The following MTMR7 variants were observed in gnomAD, a reference collection of about 807,000 sequenced individuals.
The protein encoded by MTMR7 is myotubularin related protein 7, also known as phosphatidylinositol-3-phosphate phosphatase MTMR7.
Under a neutral mutation model 81.2 loss-of-function variants are expected in MTMR7, and 76 were observed. That is an observed-to-expected ratio of 0.94 (90% CI 0.78 to 1.13). The LOEUF (loss-of-function observed/expected upper bound fraction) is 1.13, where lower values mean the gene tolerates loss of function less well. MTMR7 is among the 50% of genes most tolerant of loss of function. The pLI is 0.00. For missense variants in MTMR7, 1,044 were observed against 820.0 expected (o/e 1.27, Z -3.34); for synonymous variants, 372 against 289.8 (o/e 1.28, Z -2.88).
intron 13 of MTMR7, 39 bp from the exon 14 acceptor site, chr8:17,300,263 ATAACT>A: frequency 3.8e-6 from 6 of 1,566,676 alleles, no homozygotes; most frequent in Non-Finnish European, 5.2e-6. Flanking sequence ...AAAATCATAA[ATAACT>A]TATCTTTTTC....
At chr8:17,384,805 A>G (rs1318678987) in intron 1 of MTMR7, among the ~76,000 whole-genome samples, 1 of 152,252 alleles carries the variant, frequency 6.6e-6, no homozygotes, top group South Asian at 2.1e-4. Context: ...AAGAACGTCA[A>G]CTGTTTTTCC....
At chr8:17,328,403 C>T (rs113022383) in intron 7 of MTMR7, among the ~76,000 whole-genome samples, 1 of 152,174 alleles carries the variant, frequency 6.6e-6, no homozygotes, top group East Asian at 1.9e-4. Context: ...ATTCCAGGCT[C>T]TTCTACGGAC....
chr8:17,405,835 TACACACACAC>T (rs36233628), intron 1 of MTMR7, among the ~76,000 whole-genome samples: 30,142 of 120,736 alleles, frequency 0.25, 3,713 homozygotes, highest in South Asian at 0.37. Flanking sequence ...CCCAAAACTA[TACACACACAC>T]ACACACACAC....
rs932798271 is a variant in MTMR7 at position 17,413,285 on chromosome 8, T to C, written c.8A>G (p.His3Arg). 6.5e-7 allele frequency: 1 copy of C among 1,547,190 alleles called. No individual in the cohort carries two copies. Among genetic ancestry groups the C allele is most frequent in the South Asian group, 1.2e-5 (1 of 83,940 alleles). ME[H>R]IRTPKVENVR... ...GTCACCAACCTTGGGCGTACGGATG[T>C]GCTCCATGGCTGGCCCACGTCTGCA... Residue 3 changes from histidine to arginine, a missense_variant, in exon 1 of 14, where the codon CAC becomes CGC. His to Arg is a conservative substitution (Grantham distance 29). Coordinates refer to ENST00000180173, the MANE Select transcript of MTMR7 (RefSeq NM_004686.5).
intron 1 of MTMR7, among the ~76,000 whole-genome samples, chr8:17,378,318 G>T (rs1366349573): frequency 6.6e-6 from 1 of 152,176 alleles, no homozygotes; most frequent in Admixed American, 6.5e-5. Flanking sequence ...AAATTCAGTT[G>T]TCTTAGAAAC....
intron 2 of MTMR7, among the ~76,000 whole-genome samples, chr8:17,372,037 G>A (rs1820438222): frequency 6.6e-6 from 1 of 151,692 alleles, no homozygotes; most frequent in Non-Finnish European, 1.5e-5. Flanking sequence ...CCCCTCCTCT[G>A]CACTCCCAGC....
At chr8:17,309,890 A>G (rs991587131) in intron 9 of MTMR7, among the ~76,000 whole-genome samples, 2 of 152,200 alleles carry the variant, frequency 1.3e-5, no homozygotes, top group African/African-American at 4.8e-5. Flanking sequence ...GGTATATTCA[A>G]AGCTTCAGCC....
chr8:17,397,741 G>C (rs991408015), intron 1 of MTMR7, among the ~76,000 whole-genome samples: 2 of 152,116 alleles, frequency 1.3e-5, no homozygotes, highest in Non-Finnish European at 2.9e-5. Flanking sequence ...AAGTAGCCAG[G>C]TAGTGGTTAC....
chr8:17,399,515 G>C (rs895503429), intron 1 of MTMR7, among the ~76,000 whole-genome samples: 6 of 152,072 alleles, frequency 3.9e-5, no homozygotes, highest in African/African-American at 7.2e-5. Flanking sequence ...CCCTGTTCAA[G>C]GATTGGAAGA....
intron 6 of MTMR7, among the ~76,000 whole-genome samples, chr8:17,336,581 A>G (rs17124412): frequency 0.025 from 3,760 of 152,270 alleles, 160 homozygotes; most frequent in African/African-American, 0.085. Flanking sequence ...GAGAAAAAGA[A>G]AAACATCCCA....
intron 1 of MTMR7, among the ~76,000 whole-genome samples, chr8:17,400,191 T>C (rs73551370): frequency 0.039 from 5,982 of 152,292 alleles, 377 homozygotes; most frequent in African/African-American, 0.14. Context: ...ATAGTACCGA[T>C]AGTACTGATA....
At chr8:17,351,234 T>C (rs565622961) in intron 4 of MTMR7, among the ~76,000 whole-genome samples, 1 of 152,378 alleles carries the variant, frequency 6.6e-6, no homozygotes, top group East Asian at 1.9e-4. Flanking sequence ...CAAAGTTTCA[T>C]GATTAAATAA....
Position 17,331,294 on chromosome 8 carries a change from A to G in MTMR7, c.733-12T>C, listed in dbSNP as rs554351380. 2.5e-6 allele frequency: 4 copies of G among 1,580,094 alleles called. No homozygotes were observed. The highest frequency in any genetic ancestry group is 3.4e-6 in the Non-Finnish European group (4 of 1,166,960). Reference sequence around the variant, plus strand: ...GCCATTGCATTAAGCTGCAGTGGTCAGCAAAACAGAACAGTCATCAATTAC... The same window carrying G: ...GCCATTGCATTAAGCTGCAGTGGTCGGCAAAACAGAACAGTCATCAATTAC... On this transcript the variant is annotated splice_polypyrimidine_tract_variant and intron_variant, in intron 6 of 13. Coordinates refer to ENST00000180173, the MANE Select transcript of MTMR7 (RefSeq NM_004686.5).
At chr8:17,313,943 G>C (rs190200421) in intron 7 of MTMR7, among the ~76,000 whole-genome samples, 1 of 152,276 alleles carries the variant, frequency 6.6e-6, no homozygotes, top group East Asian at 1.9e-4. Context: ...AGTAAGGCCT[G>C]TAAGCTTAAA....
At chr8:17,325,683 C>T (rs990908990) in intron 7 of MTMR7, among the ~76,000 whole-genome samples, 1 of 152,186 alleles carries the variant, frequency 6.6e-6, no homozygotes, top group South Asian at 2.1e-4. Flanking sequence ...TGAGAAAATA[C>T]CCAAAGGCCT....
chr8:17,394,196 T>C (rs908697366), intron 1 of MTMR7, among the ~76,000 whole-genome samples: 3 of 152,214 alleles, frequency 2.0e-5, no homozygotes, highest in Non-Finnish European at 2.9e-5. Context: ...CCTGAGTATA[T>C]ACCCAAGAGA....
intron 1 of MTMR7, among the ~76,000 whole-genome samples, chr8:17,394,934 A>G (rs1563377685): frequency 6.6e-6 from 1 of 152,132 alleles, no homozygotes. Flanking sequence ...AATACACATA[A>G]AAGATATACT....
At chr8:17,370,043 C>G (rs1028709619) in intron 3 of MTMR7, among the ~76,000 whole-genome samples, 3 of 151,876 alleles carry the variant, frequency 2.0e-5, no homozygotes, top group Admixed American at 1.3e-4. Flanking sequence ...GCTATAAATC[C>G]GAAGAGCCCA....
intron 1 of MTMR7, among the ~76,000 whole-genome samples, chr8:17,399,784 G>A (rs1041488893): frequency 7.3e-5 from 11 of 151,646 alleles, no homozygotes; most frequent in Admixed American, 2.0e-4. Context: ...CACAGTAGTC[G>A]AGATTTGGAA....
Sources: allele counts gnomAD v4.1 joint callset (sites outside exome capture counted in the v4.1 genomes callset), GRCh38; gene constraint gnomAD v4.1.1; transcripts MANE v1.5; gene names NCBI Gene and HGNC (gene_info 2026-07-23, HGNC 2026-07-21).